Variants in FAM107A observed in about 807,000 individuals in gnomAD.
FAM107A encodes the protein actin-associated protein FAM107A.
A neutral mutation model predicts 13.7 loss-of-function variants in FAM107A; 19 were observed. The ratio of observed to expected loss-of-function variants is 1.38; its 90% CI spans 0.97 to 2.03. The LOEUF is 2.03. Among genes scored for constraint, FAM107A ranks in the 30% most tolerant of loss-of-function variants. The pLI is 0.00. For missense variants in FAM107A, 203 were observed against 184.4 expected, an observed-to-expected ratio of 1.10 and a Z score of -0.58; for synonymous variants, 82 against 74.5, an observed-to-expected ratio of 1.10 and a Z score of -0.52.
chr3:58,599,749 GC>G (rs1462372009), intron 1 of FAM107A, among the ~76,000 whole-genome samples: 1 of 114,564 alleles, frequency 8.7e-6, no homozygotes, highest in Non-Finnish European at 1.7e-5. Context: ...ACGGGATCCC[GC>G]TCTGTCACCT....
At chr3:58,589,150 G>T, upstream of FAM107A, 1 of 1,126,068 alleles carries the variant, frequency 8.9e-7, no homozygotes, top group Non-Finnish European at 1.3e-6. Flanking sequence ...CTTTTGTGGA[G>T]TATCTGAAGG....
At chr3:58,570,063 A>C (rs1440659539) in intron 1 of FAM107A, among the ~76,000 whole-genome samples, 198 bp from the exon 2 acceptor site, 1 of 152,206 alleles carries the variant, frequency 6.6e-6, no homozygotes, top group African/African-American at 2.4e-5. Context: ...GAACGCATGC[A>C]CAGGGCTGTC....
At position 58,566,521 on chromosome 3, in the gene FAM107A, G is replaced by T; in HGVS notation, c.*67C>A. On this transcript the variant is annotated 3_prime_UTR_variant, in exon 4 of 4. Coordinates refer to ENST00000360997, the MANE Select transcript of FAM107A (RefSeq NM_001076778.3). ...CAGGGCCTGGGGCCCAGGGCTGCCA[G>T]GTACAGAAGGGCTGAAGGAGGCTGT... 8.7e-7 allele frequency: 1 copy of T among 1,147,078 alleles called. No individual in the cohort carries two copies. The highest frequency in any genetic ancestry group is 1.3e-6 in the Non-Finnish European group (1 of 762,844). The allele number at this position is 1,147,078 out of a possible 1,614,324, so 71.1% of individuals were successfully genotyped here. A position where few individuals can be genotyped will look rare whatever the true frequency, so the allele number is the denominator to read the frequency against.
Position 58,596,255 on chromosome 3 carries a change from G to C in FAM107A, c.-69-6986C>G, listed in dbSNP as rs1480491195. On this transcript the variant is annotated intron_variant, in intron 1 of 3. Coordinates refer to the FAM107A transcript ENST00000465970. The stretch of plus-strand genomic sequence containing the variant: ...CCAGTTTGTCCTATTGCTTCTCCTA[G>C]AGGCTGAGACCTCAATGTGAAAGTG... Among the ~76,000 whole-genome samples the C allele has an allele frequency of 2.0e-5, 3 of 152,236 alleles. No homozygotes were observed. The South Asian group carries it at 6.2e-4, about 32-fold the overall frequency.
At position 58,593,370 on chromosome 3, in the gene FAM107A, C is replaced by T. The variant is rs552396975; in HGVS notation, c.-69-4101G>A. 3.2e-4 allele frequency among the ~76,000 whole-genome samples: 48 copies of T among 152,334 alleles called. 1 individual carries two copies. The South Asian group carries it at 9.5e-3, about 30-fold the overall frequency. Reference sequence around the variant, plus strand: ...CCCAAAAACTTGTCATCCCTACTATCTGCTGTCTAGTCATACTCCTATTCA... The same window carrying T: ...CCCAAAAACTTGTCATCCCTACTATTTGCTGTCTAGTCATACTCCTATTCA... On this transcript the variant is annotated intron_variant, in intron 1 of 3. Coordinates refer to the FAM107A transcript ENST00000465970.
chr3:58,596,830 A>G (rs943150763), intron 1 of FAM107A, among the ~76,000 whole-genome samples: 1 of 152,232 alleles, frequency 6.6e-6, no homozygotes, highest in African/African-American at 2.4e-5. Context: ...CAAAATATAT[A>G]TCAAGACTGA....
chr3:58,613,763 T>C lies in FAM107A; in HGVS notation c.-70+13653A>G, dbSNP rs1200321028. ...GGGGAGGCTCAACCCTCCCAAGTGC[T>C]CAGCTTACCACAGCTGCCAAGTCCT... On this transcript the variant is annotated intron_variant, in intron 1 of 3. Transcript: ENST00000465970. This position sits in a 1 kb window ranked among gnomAD's most constrained non-coding sequence, Gnocchi z 4.6. Among the ~76,000 whole-genome samples, 1 of 152,164 alleles carries C rather than the reference T, an allele frequency of 6.6e-6. No individual in the cohort carries two copies. The highest frequency in any genetic ancestry group is 2.4e-5 in the African/African-American group (1 of 41,438).
At chr3:58,576,152 C>T (rs2063729072) in intron 1 of FAM107A, among the ~76,000 whole-genome samples, 1 of 152,236 alleles carries the variant, frequency 6.6e-6, no homozygotes, top group South Asian at 2.1e-4. Flanking sequence ...CTCGGAGCCA[C>T]CTCCAGATCT....
intron 1 of FAM107A, among the ~76,000 whole-genome samples, chr3:58,599,439 G>A (rs183817029): frequency 4.7e-3 from 721 of 152,266 alleles, no homozygotes; most frequent in Non-Finnish European, 7.4e-3. Context: ...CTTGCCATCC[G>A]TGCCTGAGAT....
At chr3:58,586,259 G>A (rs1406705959) in intron 1 of FAM107A, among the ~76,000 whole-genome samples, 1 of 150,038 alleles carries the variant, frequency 6.7e-6, no homozygotes, top group African/African-American at 2.5e-5. Context: ...GTGAGTCTCT[G>A]TTTAAGAGAT....
rs1276315460 is a variant in FAM107A, at chr3:58,575,289, CA to C, written c.-6+2019del. 2.0e-5 allele frequency among the ~76,000 whole-genome samples: 3 copies of C among 152,122 alleles called. No homozygotes were observed. In the East Asian group the frequency reaches 5.8e-4, roughly 29 times the overall value. On this transcript the variant is annotated intron_variant, in intron 1 of 3. Transcript: ENST00000360997. ...CTGAGCCTCTATACAGCAAGGATAA[CA>C]GCCTATTCATGGAGCAGTTTGGAGG... is the stretch of plus-strand genomic sequence containing the variant.
At chr3:58,624,629 C>T (rs12629222) in intron 1 of FAM107A, among the ~76,000 whole-genome samples, 68,012 of 152,094 alleles carry the variant, frequency 0.45, 15,795 homozygotes, top group South Asian at 0.57. Context: ...TAACCAACCA[C>T]GTGATCCCTT....
intron 1 of FAM107A, among the ~76,000 whole-genome samples, chr3:58,602,608 A>G (rs556161729): frequency 3.9e-5 from 6 of 152,362 alleles, no homozygotes; most frequent in African/African-American, 1.4e-4. Context: ...ACAATGTAAC[A>G]GTCTGTGGCT....
chr3:58,604,991 A>G lies in FAM107A; in HGVS notation c.-69-15722T>C, dbSNP rs2065781030. ...TATTAGGTGATCCCTTTGAAGTTCC[A>G]TGGGCTTGTTTTTGCACTCCTGCAA... On this transcript the variant is annotated intron_variant, in intron 1 of 3. Coordinates refer to the FAM107A transcript ENST00000465970. This position sits in a 1 kb window ranked among gnomAD's most constrained non-coding sequence, Gnocchi z 4.1. 6.6e-6 allele frequency among the ~76,000 whole-genome samples: 1 copy of G among 152,162 alleles called. No homozygotes were observed. The highest frequency in any genetic ancestry group is 2.4e-5 in the African/African-American group (1 of 41,434).
At chr3:58,568,291 C>T (rs368375022) in intron 2 of FAM107A, among the ~76,000 whole-genome samples, 2 of 151,932 alleles carry the variant, frequency 1.3e-5, no homozygotes, top group East Asian at 2.0e-4. Flanking sequence ...AAGAATTAGC[C>T]GAGTGTGGTG....
intron 1 of FAM107A, among the ~76,000 whole-genome samples, chr3:58,621,379 C>T (rs1454966677): frequency 2.0e-5 from 3 of 152,112 alleles, no homozygotes. Flanking sequence ...GGGCCCTGTG[C>T]TTGGTTTAAT....
intron 1 of FAM107A, among the ~76,000 whole-genome samples, chr3:58,618,724 T>G (rs1281054864): frequency 6.6e-6 from 1 of 152,236 alleles, no homozygotes; most frequent in Non-Finnish European, 1.5e-5. Context: ...CTGTGACCTC[T>G]TCCTCTCTTG....
chr3:58,586,013 C>G (rs1008634477), intron 1 of FAM107A, among the ~76,000 whole-genome samples: 3 of 152,192 alleles, frequency 2.0e-5, no homozygotes, highest in African/African-American at 7.2e-5. Flanking sequence ...TGAAACCACC[C>G]AGTGTTTCCT....
In FAM107A at chr3:58,617,149, T is replaced by C. The variant is rs2065910017; in HGVS notation, c.-70+10267A>G. Among the ~76,000 whole-genome samples, 2 of 152,190 alleles carry C rather than the reference T, an allele frequency of 1.3e-5. No individual in the cohort carries two copies. Among genetic ancestry groups the C allele is most frequent in the African/African-American group, 4.8e-5 (2 of 41,454 alleles). On this transcript the variant is annotated intron_variant, in intron 1 of 3. Coordinates refer to the FAM107A transcript ENST00000465970. The surrounding 1 kb of genome is among the most constrained non-coding windows in gnomAD (Gnocchi z 4.5). ...GTCACTTCACAGTGCCTGCTTGTGA[T>C]GGCAGAGTCAGCATGGGACCTTCAC...
Sources: allele counts gnomAD v4.1 joint callset (sites outside exome capture counted in the v4.1 genomes callset), GRCh38; gene constraint gnomAD v4.1.1; non-coding constraint Gnocchi (gnomAD v3.1); transcripts MANE v1.5; gene names NCBI Gene and HGNC (gene_info 2026-07-23, HGNC 2026-07-21).